The following ZCCHC10 variants were observed in gnomAD, a reference collection of about 807,000 sequenced individuals.
ZCCHC10 encodes the protein zinc finger CCHC-type containing 10, also known as zinc finger CCHC domain-containing protein 10.
In ZCCHC10, 16 loss-of-function variants were observed where a neutral mutation model predicts 19.5. The observed-to-expected ratio is 0.82, with a 90% CI of 0.56 to 1.25. The LOEUF is 1.25. ZCCHC10 is among the 50% of genes most tolerant of loss of function. The pLI is 0.00. For missense variants in ZCCHC10, 197 were observed against 201.0 expected (o/e 0.98, Z 0.12); for synonymous variants, 67 against 72.5 (o/e 0.92, Z 0.38).
chr5:133,003,532 A>C (rs1008312961), intron 3 of ZCCHC10, among the ~76,000 whole-genome samples: 10 of 152,068 alleles, frequency 6.6e-5, no homozygotes, highest in Admixed American at 1.3e-4. Context: ...TTGAAAAAAA[A>C]CCCAAAAAAC....
At chr5:133,018,503 G>A (rs1236897185) in intron 2 of ZCCHC10, among the ~76,000 whole-genome samples, 1 of 151,910 alleles carries the variant, frequency 6.6e-6, no homozygotes, top group East Asian at 1.9e-4. Context: ...AGGTTCAAAC[G>A]ATTCTCGTGC....
chr5:133,017,374 T>C (rs111519711), intron 2 of ZCCHC10, among the ~76,000 whole-genome samples: 151 of 152,056 alleles, frequency 9.9e-4, no homozygotes, highest in African/African-American at 3.5e-3. Context: ...GCATGATTTT[T>C]TTTTTTCATT....
At chr5:133,020,806 C>T (rs1328108661) in intron 2 of ZCCHC10, among the ~76,000 whole-genome samples, 2 of 150,886 alleles carry the variant, frequency 1.3e-5, no homozygotes, top group East Asian at 2.0e-4. Flanking sequence ...CTGCAAGCTC[C>T]ATCTCCCGGG....
chr5:133,018,828 G>C (rs892725704), intron 2 of ZCCHC10, among the ~76,000 whole-genome samples: 1 of 152,190 alleles, frequency 6.6e-6, no homozygotes, highest in African/African-American at 2.4e-5. Flanking sequence ...CACATAGCCA[G>C]GAAGGTTGGA....
rs1352066454 is a variant in ZCCHC10, at chr5:132,997,607, A to T, written c.*976T>A. On this transcript the variant is annotated 3_prime_UTR_variant, in exon 5 of 5. Transcript: ENST00000509437. ...TCATATATATGCAGTAGACTGTCAT[A>T]TATGACCAGTTACCATACAAACTAT... 1 of 152,178 alleles carries T rather than the reference A, an allele frequency of 6.6e-6. No homozygotes were observed. Among genetic ancestry groups the T allele is most frequent in the African/African-American group, 2.4e-5 (1 of 41,470 alleles). The allele number at this position is 152,178 out of a possible 1,614,324, so 9.4% of individuals were successfully genotyped here. A position where few individuals can be genotyped will look rare whatever the true frequency, so the allele number is the denominator to read the frequency against.
At chr5:133,013,868 A>G (rs1581409911) in intron 2 of ZCCHC10, among the ~76,000 whole-genome samples, 2 of 152,150 alleles carry the variant, frequency 1.3e-5, no homozygotes, top group Non-Finnish European at 2.9e-5. Flanking sequence ...TGGCCCAGCA[A>G]TTCTACTTGT....
At position 132,998,179 on chromosome 5, in the gene ZCCHC10, A is replaced by G. The variant is rs1437304363; in HGVS notation, c.*404T>C. ...ACAGTAACAACATATTAAATCTTAC[A>G]TAACATACAGCCAAAAGCATTAGAA... On this transcript the variant is annotated 3_prime_UTR_variant, in exon 5 of 5. Coordinates refer to ENST00000509437, the MANE Select transcript of ZCCHC10 (RefSeq NM_001300816.3). The G allele has an allele frequency of 6.0e-6, 1 of 166,268 alleles. No individual in the cohort carries two copies. Among genetic ancestry groups the G allele is most frequent in the African/African-American group, 2.4e-5 (1 of 41,538 alleles). The allele number at this position is 166,268 out of a possible 1,614,324, so 10.3% of individuals were successfully genotyped here. A position where few individuals can be genotyped will look rare whatever the true frequency, so the allele number is the denominator to read the frequency against.
intron 2 of ZCCHC10, among the ~76,000 whole-genome samples, chr5:133,013,464 C>T (rs1410840205): frequency 1.3e-5 from 2 of 152,156 alleles, no homozygotes; most frequent in Non-Finnish European, 2.9e-5. Context: ...TGGCTCACAC[C>T]TGTAATCCTG....
chr5:133,022,714 G>C (rs1764399812), intron 2 of ZCCHC10, 127 bp downstream of exon 2: 2 of 371,840 alleles, frequency 5.4e-6, no homozygotes, highest in Admixed American at 4.6e-5. Flanking sequence ...GCCTCCCAAA[G>C]TGCTGGGATT....
Position 132,998,735 on chromosome 5 carries a change from C to T in ZCCHC10, c.427G>A (p.Glu143Lys), listed in dbSNP as rs150747139. 1.2e-5 allele frequency: 20 copies of T among 1,613,964 alleles called. No individual in the cohort carries two copies. In the African/African-American group the frequency reaches 2.4e-4, roughly 19 times the overall value. Residue 143 changes from glutamate (E) to lysine (K), a missense_variant, in exon 5 of 5, where the codon GAA becomes AAA. Glu to Lys is a moderately conservative substitution (Grantham distance 56). Coordinates refer to ENST00000509437, the MANE Select transcript of ZCCHC10 (RefSeq NM_001300816.3). The stretch of plus-strand genomic sequence containing the variant: ...GAGGATGAGGAACTAGAGGAGCTTT[C>T]ATCAGTGTCACTGTCCTCTGAGGAG... ...SSSSEDSDTD[E>K]SSSSSSSSAS...
At chr5:133,021,251 G>A (rs1764292952) in intron 2 of ZCCHC10, among the ~76,000 whole-genome samples, 1 of 152,042 alleles carries the variant, frequency 6.6e-6, no homozygotes, top group Admixed American at 6.6e-5. Context: ...GGATGGTCTC[G>A]ATCTCCTGAC....
At position 132,998,180 on chromosome 5, in the gene ZCCHC10, TAACA is replaced by T. The variant is rs1000123952; in HGVS notation, c.*399_*402del. On this transcript the variant is annotated 3_prime_UTR_variant, in exon 5 of 5. Coordinates refer to ENST00000509437, the MANE Select transcript of ZCCHC10 (RefSeq NM_001300816.3). Reference sequence around the variant, plus strand: ...CAGTAACAACATATTAAATCTTACATAACATACAGCCAAAAGCATTAGAAATCCA... The same window carrying T: ...CAGTAACAACATATTAAATCTTACATTACAGCCAAAAGCATTAGAAATCCA... 1 of 166,224 alleles carries T rather than the reference TAACA, an allele frequency of 6.0e-6. No homozygotes were observed. The highest frequency in any genetic ancestry group is 2.4e-5 in the African/African-American group (1 of 41,534). 10.3% of individuals were successfully genotyped at this position (166,224 alleles called of 1,614,324 possible).
At position 133,008,878 on chromosome 5, in the gene ZCCHC10, T is replaced by C. The variant is rs116362996; in HGVS notation, c.108-1958A>G. On this transcript the variant is annotated intron_variant, in intron 2 of 4. Transcript: ENST00000509437. Reference sequence around the variant, plus strand: ...AACTACAAAAATTAGCCGCGTGTGGTGGCAAACAGCTGTAGTCCCAGCTAC... The same window carrying C: ...AACTACAAAAATTAGCCGCGTGTGGCGGCAAACAGCTGTAGTCCCAGCTAC... 6.3e-3 allele frequency among the ~76,000 whole-genome samples: 962 copies of C among 152,166 alleles called. 4 individuals carry two copies. The highest frequency in any genetic ancestry group is 0.011 in the Non-Finnish European group (740 of 68,006).
intron 2 of ZCCHC10, chr5:133,019,212 A>G (rs547141740): frequency 6.9e-4 from 228 of 329,150 alleles, no homozygotes; most frequent in Non-Finnish European, 1.0e-3. Flanking sequence ...CTCTAAAAAA[A>G]AAAAACAGAG....
At chr5:133,017,142 C>T (rs1763977003) in intron 2 of ZCCHC10, among the ~76,000 whole-genome samples, 1 of 151,876 alleles carries the variant, frequency 6.6e-6, no homozygotes, top group African/African-American at 2.4e-5. Flanking sequence ...ATCTGACACC[C>T]TGCATTGGAC....
intron 2 of ZCCHC10, among the ~76,000 whole-genome samples, chr5:133,012,136 C>CAAAAAAAAAAA (rs1172354725): frequency 4.0e-5 from 3 of 74,858 alleles, no homozygotes; most frequent in Non-Finnish European, 7.3e-5. Context: ...GCCTCCATCT[C>CAAAAAAAAAAA]AAAAAAAAAA....
rs1762553164 is a variant in ZCCHC10, at chr5:132,998,429, AT to A, written c.*153del. The A allele has an allele frequency of 4.6e-6, 3 of 651,248 alleles. No individual in the cohort carries two copies. In the African/African-American group the frequency reaches 5.5e-5, roughly 12 times the overall value. The allele number at this position is 651,248 out of a possible 1,614,324, so 40.3% of individuals were successfully genotyped here. A position where few individuals can be genotyped will look rare whatever the true frequency, so the allele number is the denominator to read the frequency against. Reference sequence around the variant, plus strand: ...TCTCTCTCTATAAGCCATTATTAATATTCTCTATGCTCTTACAATGTAAAAC... The same window carrying A: ...TCTCTCTCTATAAGCCATTATTAATATCTCTATGCTCTTACAATGTAAAAC... On this transcript the variant is annotated 3_prime_UTR_variant, in exon 5 of 5. Transcript: ENST00000509437.
chr5:133,015,097 G>A, intron 2 of ZCCHC10, among the ~76,000 whole-genome samples: 1 of 36,012 alleles, frequency 2.8e-5, no homozygotes, highest in Non-Finnish European at 5.0e-5. Flanking sequence ...TTTTTTTTTT[G>A]AGACTAAGTC....
intron 1 of ZCCHC10, among the ~76,000 whole-genome samples, chr5:133,024,527 A>C (rs1287571554): frequency 6.6e-6 from 1 of 152,218 alleles, no homozygotes; most frequent in Non-Finnish European, 1.5e-5. Context: ...AGCATGAGAG[A>C]CAGACAGGGA....
Sources: allele counts gnomAD v4.1 joint callset (sites outside exome capture counted in the v4.1 genomes callset), GRCh38; gene constraint gnomAD v4.1.1; transcripts MANE v1.5; gene names NCBI Gene and HGNC (gene_info 2026-07-23, HGNC 2026-07-21).